CRELD2: variants seen among roughly 807,000 people sequenced by gnomAD.
CRELD2 encodes the protein protein disulfide isomerase CRELD2.
A neutral mutation model predicts 48.1 loss-of-function variants in CRELD2; 33 were observed. The ratio of observed to expected loss-of-function variants is 0.69; its 90% CI spans 0.52 to 0.92. The LOEUF (loss-of-function observed/expected upper bound fraction) is 0.92. CRELD2 is among the 40% of genes least tolerant of loss of function. The probability of loss-of-function intolerance (pLI) is 0.00; values close to 1 mark genes in which losing one functional copy is unlikely to be tolerated. For synonymous variants in CRELD2, 220 were observed against 203.9 expected, an observed-to-expected ratio of 1.08 and a Z score of -0.67; for missense variants, 477 against 482.4, an observed-to-expected ratio of 0.99 and a Z score of 0.10.
chr22:49,922,860 C>CCGTGAGG (rs1241343792), intron 6 of CRELD2, among the ~76,000 whole-genome samples, 153 bp downstream of exon 6: 2 of 35,330 alleles, frequency 5.7e-5, no homozygotes, highest in Non-Finnish European at 8.4e-5. Context: ...AGGTGTGGGG[C>CCGTGAGG]TTGGGGTGTG....
At chr22:49,921,440 T>C (rs1315419705) in intron 4 of CRELD2, 145 bp from the exon 5 acceptor site, 1 of 846,848 alleles carries the variant, frequency 1.2e-6, no homozygotes, top group African/African-American at 1.7e-5. Context: ...GAAATCAGTT[T>C]CCCCAAACAC....
chr22:49,923,498 TGAAAA>T, intron 7 of CRELD2, 181 bp downstream of exon 7: 3 of 704,446 alleles, frequency 4.3e-6, no homozygotes, highest in Non-Finnish European at 5.1e-6. Flanking sequence ...TCAAGTCAGA[TGAAAA>T]GAAAACAGTT....
Position 49,924,428 on chromosome 22 carries a change from T to A in CRELD2, c.841T>A (p.Tyr281Asn). Residue 281 changes from tyrosine to asparagine, a missense_variant, in exon 8 of 10, where the codon TAC becomes AAC. Coordinates refer to ENST00000328268, the MANE Select transcript of CRELD2 (RefSeq NM_024324.5). ...PGNCKECISGYAREHGQCADV... is the reference protein window; with the variant it reads ...PGNCKECISGNAREHGQCADV... ...AAACTGTAAAGAGTGTATCTCTGGC[T>A]ACGCGAGGGAGCACGGACAGTGTGC... 1 of 1,611,254 alleles carries A rather than the reference T, an allele frequency of 6.2e-7. No individual in the cohort carries two copies. The highest frequency in any genetic ancestry group is 8.5e-7 in the Non-Finnish European group (1 of 1,178,730).
At chr22:49,923,668 G>T in intron 7 of CRELD2, 4 of 418,020 alleles carry the variant, frequency 9.6e-6, no homozygotes, top group Non-Finnish European at 1.8e-5. Context: ...TGCGTCCTGT[G>T]GTTTCTCTGT....
In CRELD2 at chr22:49,918,898, G is replaced by C; in HGVS notation, c.129G>C (p.Gln43His). 1.5e-6 allele frequency: 2 copies of C among 1,323,256 alleles called. No individual in the cohort carries two copies. The highest frequency in any genetic ancestry group is 1.9e-6 in the Non-Finnish European group (2 of 1,038,710). The allele number at this position is 1,323,256 out of a possible 1,614,324, so 82.0% of individuals were successfully genotyped here. ...RCRGLVDKFN[Q>H]GMVDTAKKNF... ...GGGGGCTGGTGGACAAGTTTAACCA[G>C]GTGGGAAGGGGCCGGGCGGGGTCGT... Residue 43 changes from glutamine (Q) to histidine (H), a missense_variant and splice_region_variant, in exon 1 of 10, where the codon CAG (glutamine) becomes CAC (histidine). Transcript: ENST00000328268.
Position 49,918,935 on chromosome 22 carries a change from C to T in CRELD2, c.129+37C>T, listed in dbSNP as rs1430537592. The T allele has an allele frequency of 6.0e-6, 8 of 1,328,804 alleles. No individual in the cohort carries two copies. The East Asian group carries it at 1.8e-4, about 30-fold the overall frequency. 82.3% of individuals were successfully genotyped at this position (1,328,804 alleles called of 1,614,324 possible). A position where few individuals can be genotyped will look rare whatever the true frequency, so the allele number is the denominator to read the frequency against. On this transcript the variant is annotated intron_variant, in intron 1 of 9. Coordinates refer to ENST00000328268, the MANE Select transcript of CRELD2 (RefSeq NM_024324.5). ...CCGGGCGGGGTCGTCAACCTTGGGC[C>T]CGGGGTCCCCCTCACCCTGCATCCG...
intron 3 of CRELD2, 74 bp from the exon 4 acceptor site, chr22:49,920,082 T>G: frequency 2.0e-6 from 2 of 994,862 alleles, no homozygotes; most frequent in Non-Finnish European, 3.2e-6. Flanking sequence ...AGAGCATATG[T>G]TACGTTCAGC....
chr22:49,920,475 T>C (rs1170136921), intron 4 of CRELD2, among the ~76,000 whole-genome samples: 2 of 152,164 alleles, frequency 1.3e-5, no homozygotes, highest in Admixed American at 1.3e-4. Flanking sequence ...AAACTCTGAG[T>C]ATGTCTTCCC....
intron 7 of CRELD2, 106 bp from the exon 8 acceptor site, chr22:49,924,254 G>A (rs987011935): frequency 7.0e-6 from 5 of 712,142 alleles, no homozygotes; most frequent in South Asian, 1.8e-5. Flanking sequence ...TGATGAATGA[G>A]GAGAAAACCC....
chr22:49,921,844 C>A, intron 5 of CRELD2, 83 bp downstream of exon 5: 1 of 1,403,014 alleles, frequency 7.1e-7, no homozygotes, highest in Non-Finnish European at 9.7e-7. Context: ...TAGATGGGAA[C>A]AGGGGCCTGT....
Position 49,918,755 on chromosome 22 carries a change from G to T in CRELD2, c.-15G>T. The T allele has an allele frequency of 9.4e-7, 1 of 1,059,946 alleles. No individual in the cohort carries two copies. The highest frequency in any genetic ancestry group is 1.2e-6 in the Non-Finnish European group (1 of 818,272). 65.7% of individuals were successfully genotyped at this position (1,059,946 alleles called of 1,614,324 possible). On this transcript the variant is annotated 5_prime_UTR_variant, in exon 1 of 10. Transcript: ENST00000328268. ...CCTGGAGCTCCGGCTGCGTCTTCCC[G>T]CAGCGCTACCCGCCATGCGCCTGCC...
chr22:49,918,749 C>G lies in CRELD2; in HGVS notation c.-21C>G. ...GCAGGACCTGGAGCTCCGGCTGCGT[C>G]TTCCCGCAGCGCTACCCGCCATGCG... On this transcript the variant is annotated 5_prime_UTR_variant, in exon 1 of 10. Coordinates refer to ENST00000328268, the MANE Select transcript of CRELD2 (RefSeq NM_024324.5). 2 of 1,012,900 alleles carry G rather than the reference C, an allele frequency of 2.0e-6. No homozygotes were observed. Among genetic ancestry groups the G allele is most frequent in the Non-Finnish European group, 2.6e-6 (2 of 777,170 alleles). The allele number at this position is 1,012,900 out of a possible 1,614,324, so 62.7% of individuals were successfully genotyped here. A position where few individuals can be genotyped will look rare whatever the true frequency, so the allele number is the denominator to read the frequency against.
chr22:49,924,018 G>A (rs996489040), intron 7 of CRELD2: 11 of 238,892 alleles, frequency 4.6e-5, no homozygotes, highest in African/African-American at 1.6e-4. Context: ...GAAGCCATGC[G>A]AGAGGCTCTG....
chr22:49,923,563 C>T, intron 7 of CRELD2: 2 of 608,582 alleles, frequency 3.3e-6, no homozygotes, highest in South Asian at 3.5e-5. Flanking sequence ...GCCTCCACTG[C>T]TCGTGCCCCC....
chr22:49,920,949 T>C (rs2060679543), intron 4 of CRELD2, among the ~76,000 whole-genome samples: 1 of 152,244 alleles, frequency 6.6e-6, no homozygotes, highest in Non-Finnish European at 1.5e-5. Flanking sequence ...TCACCATGTT[T>C]CAGCTGAGGC....
chr22:49,924,708 G>A (rs949659445), intron 8 of CRELD2: 16 of 308,912 alleles, frequency 5.2e-5, no homozygotes, highest in East Asian at 2.0e-4. Context: ...CGGTGGCCTC[G>A]TTCCCCAGGT....
intron 5 of CRELD2, 181 bp from the exon 6 acceptor site, chr22:49,922,431 G>A (rs758087960): frequency 6.3e-7 from 1 of 1,597,844 alleles, no homozygotes; most frequent in African/African-American, 1.3e-5. Flanking sequence ...ATGGATAGCT[G>A]CCTTCTCTCC....
In CRELD2 at chr22:49,919,758, G is replaced by C; in HGVS notation, c.241G>C (p.Gly81Arg). Residue 81 changes from glycine to arginine, a missense_variant, in exon 3 of 10, where the codon GGG becomes CGG. By Grantham distance (125) the Gly-to-Arg change is moderately radical. Transcript: ENST00000328268. ...SEIRLLEILE[G>R]LCESSDFECN... ...GATTCGCCTGCTGGAGATCCTGGAG[G>C]GGCTGTGCGAGAGCAGCGACTTCGA... is the stretch of plus-strand genomic sequence containing the variant. 1 of 1,611,914 alleles carries C rather than the reference G, an allele frequency of 6.2e-7. No individual in the cohort carries two copies. Among genetic ancestry groups the C allele is most frequent in the African/African-American group, 1.3e-5 (1 of 74,960 alleles).
chr22:49,919,176 A>C, intron 1 of CRELD2, 54 bp from the exon 2 acceptor site: 1 of 1,571,508 alleles, frequency 6.4e-7, no homozygotes, highest in South Asian at 1.1e-5. Flanking sequence ...GCTCGCCCCC[A>C]CCCTGGACCC....
Sources: allele counts gnomAD v4.1 joint callset (sites outside exome capture counted in the v4.1 genomes callset), GRCh38; gene constraint gnomAD v4.1.1; transcripts MANE v1.5; gene names NCBI Gene and HGNC (gene_info 2026-07-23, HGNC 2026-07-21).